Variants in ITGB5 observed in about 807,000 individuals in gnomAD.
ITGB5 encodes the protein integrin subunit beta 5, also known as integrin beta-5.
A neutral mutation model predicts 84.8 loss-of-function variants in ITGB5; 38 were observed. That is an observed-to-expected ratio of 0.45 (90% CI 0.35 to 0.59). The LOEUF is 0.59. Ranked by LOEUF, ITGB5 falls within the 20% of genes least tolerant of loss-of-function variation. ITGB5 has a pLI of 0.01. For synonymous variants in ITGB5, 393 were observed against 414.4 expected (o/e 0.95, Z 0.63); for missense variants, 905 against 1,034.5 (o/e 0.87, Z 1.72).
intron 10 of ITGB5, chr3:124,792,943 G>A (rs961911308): frequency 1.3e-5 from 2 of 152,012 alleles, no homozygotes; most frequent in Non-Finnish European, 2.9e-5. Context: ...ATTCCCCACT[G>A]AGGGCCTCTC....
intron 4 of ITGB5, 149 bp from the exon 5 acceptor site, chr3:124,841,700 A>G: frequency 2.9e-6 from 2 of 700,096 alleles, no homozygotes; most frequent in South Asian, 1.9e-5. Flanking sequence ...CAGCAGAGAG[A>G]GCAAAGATAA....
chr3:124,855,639 AACCCTCTTCAT>A (rs1426091320), intron 3 of ITGB5, among the ~76,000 whole-genome samples: 1 of 152,144 alleles, frequency 6.6e-6, no homozygotes, highest in East Asian at 1.9e-4. Context: ...CTTCAGACTG[AACCCTCTTCAT>A]AGTCTGGGTG....
chr3:124,835,921 G>A (rs988325389), intron 5 of ITGB5, among the ~76,000 whole-genome samples: 3 of 152,162 alleles, frequency 2.0e-5, no homozygotes, highest in African/African-American at 7.2e-5. Flanking sequence ...CTGGGTCTGA[G>A]GCTTAAGCCT....
At chr3:124,826,922 C>T (rs1358970286) in intron 5 of ITGB5, among the ~76,000 whole-genome samples, 1 of 152,168 alleles carries the variant, frequency 6.6e-6, no homozygotes, top group Non-Finnish European at 1.5e-5. Context: ...AGGACATGCT[C>T]GTTCATCACC....
At chr3:124,879,679 A>G (rs10804564) in intron 1 of ITGB5, among the ~76,000 whole-genome samples, 72,032 of 152,104 alleles carry the variant, frequency 0.47, 17,629 homozygotes, top group East Asian at 0.67. Flanking sequence ...ATAAAGAAAG[A>G]ATGAGCATGC....
intron 5 of ITGB5, chr3:124,833,017 C>T (rs1030571089): frequency 6.6e-6 from 1 of 152,214 alleles, no homozygotes; most frequent in Non-Finnish European, 1.5e-5. Flanking sequence ...ATATTTCCAT[C>T]CCTTTAAAAC....
chr3:124,845,434 C>T (rs1288794273), intron 4 of ITGB5, among the ~76,000 whole-genome samples: 1 of 152,232 alleles, frequency 6.6e-6, no homozygotes, highest in Non-Finnish European at 1.5e-5. Flanking sequence ...CAGTGTGCCC[C>T]CACGCTGCGT....
rs150773393 is a variant in ITGB5 at position 124,795,227 on chromosome 3, C to T, written c.1693+1161G>A. ...GAATTCTGGGCCGGGCACAGTGGCT[C>T]ACGTCTATAATCCCAGTACTTTGGG... On this transcript the variant is annotated intron_variant, in intron 10 of 14. Transcript: ENST00000296181. Among the ~76,000 whole-genome samples, 707 of 148,728 alleles carry T rather than the reference C, an allele frequency of 4.8e-3. 6 individuals are homozygous for T. Among genetic ancestry groups the T allele is most frequent in the South Asian group, 0.015 (71 of 4,690 alleles).
At chr3:124,866,205 A>T (rs1438210917) in intron 2 of ITGB5, among the ~76,000 whole-genome samples, 1 of 143,746 alleles carries the variant, frequency 7.0e-6, no homozygotes, top group Non-Finnish European at 1.5e-5. Flanking sequence ...CTGGTCTTGA[A>T]CTCCTGAGTT....
intron 2 of ITGB5, among the ~76,000 whole-genome samples, chr3:124,867,517 C>G (rs1157743130): frequency 6.6e-6 from 1 of 152,242 alleles, no homozygotes; most frequent in Non-Finnish European, 1.5e-5. Flanking sequence ...ATCCCTCAGC[C>G]TTGCCCACTT....
At chr3:124,836,391 A>G (rs1267927588) in intron 5 of ITGB5, among the ~76,000 whole-genome samples, 1 of 151,932 alleles carries the variant, frequency 6.6e-6, no homozygotes, top group Non-Finnish European at 1.5e-5. Context: ...GGTTGCAGTG[A>G]GCCATGATAA....
intron 2 of ITGB5, among the ~76,000 whole-genome samples, chr3:124,870,748 C>T (rs1475808898): frequency 1.4e-5 from 2 of 144,678 alleles, no homozygotes; most frequent in Admixed American, 1.4e-4. Flanking sequence ...AAAAAAAAAA[C>T]CCCAGTGGAG....
intron 3 of ITGB5, among the ~76,000 whole-genome samples, chr3:124,852,857 TTAAAA>T: frequency 6.6e-6 from 1 of 152,032 alleles, no homozygotes. Flanking sequence ...CTGGCTAATT[TTAAAA>T]TTATTAGTAG....
At chr3:124,780,427 G>A (rs1349030425) in intron 10 of ITGB5, among the ~76,000 whole-genome samples, 3 of 152,162 alleles carry the variant, frequency 2.0e-5, no homozygotes, top group Non-Finnish European at 2.9e-5. Context: ...AGGCCCTCAG[G>A]GTACAAATCA....
At position 124,764,383 on chromosome 3, in the gene ITGB5, G is replaced by A. The variant is rs61761680; in HGVS notation, c.2304+8C>T. 20,100 of 1,598,804 alleles carry A rather than the reference G, an allele frequency of 0.013. 142 individuals carry two copies. Among genetic ancestry groups the A allele is most frequent in the South Asian group, 0.015 (1,353 of 90,546 alleles). The stretch of plus-strand genomic sequence containing the variant: ...GTCTCCTCTGCTTCCCATTTCCCAC[G>A]TGCTTACCATTTCATAGCGGGCCCT... On this transcript the variant is annotated splice_region_variant and intron_variant, in intron 14 of 14. Coordinates refer to ENST00000296181, the MANE Select transcript of ITGB5 (RefSeq NM_002213.5).
intron 8 of ITGB5, among the ~76,000 whole-genome samples, chr3:124,817,396 G>A (rs1020232780): frequency 7.2e-5 from 11 of 152,198 alleles, no homozygotes; most frequent in Non-Finnish European, 1.3e-4. Context: ...CTGCAGATGA[G>A]AGTCAAGATG....
chr3:124,815,687 C>G (rs913577473), intron 8 of ITGB5, among the ~76,000 whole-genome samples: 1 of 152,176 alleles, frequency 6.6e-6, no homozygotes, highest in African/African-American at 2.4e-5. Context: ...AAGCGGCTCA[C>G]AGCTCACACC....
intron 8 of ITGB5, among the ~76,000 whole-genome samples, chr3:124,812,822 CCCT>C (rs1331558115): frequency 6.6e-6 from 1 of 152,152 alleles, no homozygotes; most frequent in Non-Finnish European, 1.5e-5. Flanking sequence ...CCATTTTGCT[CCCT>C]CCTCAGCCTG....
chr3:124,886,868 A>ACGCC, intron 1 of ITGB5, 63 bp downstream of exon 1: 1 of 1,067,088 alleles, frequency 9.4e-7, no homozygotes, highest in Non-Finnish European at 1.2e-6. Context: ...CCCCTCCGAG[A>ACGCC]CGCCCGCCCG....
Sources: allele counts gnomAD v4.1 joint callset (sites outside exome capture counted in the v4.1 genomes callset), GRCh38; gene constraint gnomAD v4.1.1; transcripts MANE v1.5; gene names NCBI Gene and HGNC (gene_info 2026-07-23, HGNC 2026-07-21).